KCTD16: variants seen among roughly 807,000 people sequenced by gnomAD.
KCTD16 encodes the protein BTB/POZ domain-containing protein KCTD16.
KCTD16 carries 13 observed loss-of-function variants against 33.2 expected under a neutral mutation model. The ratio of observed to expected loss-of-function variants is 0.39; its 90% CI spans 0.25 to 0.62. KCTD16 has a LOEUF of 0.62. KCTD16 is among the 20% of genes least tolerant of loss of function. The pLI is 0.50. For missense variants in KCTD16, 441 were observed against 525.1 expected, an observed-to-expected ratio of 0.84 and a Z score of 1.57; for synonymous variants, 197 against 195.3, an observed-to-expected ratio of 1.01 and a Z score of -0.07.
intron 3 of KCTD16, among the ~76,000 whole-genome samples, chr5:144,260,875 G>C (rs1409651927): frequency 6.6e-6 from 1 of 151,446 alleles, no homozygotes; most frequent in East Asian, 1.9e-4. Context: ...CTGTTATATT[G>C]GTATTATTTC....
At chr5:144,311,918 A>G (rs1257279899) in intron 3 of KCTD16, among the ~76,000 whole-genome samples, 1 of 152,178 alleles carries the variant, frequency 6.6e-6, no homozygotes, top group Non-Finnish European at 1.5e-5. Flanking sequence ...TTCTGGAGAA[A>G]TAACTTTCAA....
intron 3 of KCTD16, among the ~76,000 whole-genome samples, chr5:144,286,884 G>A (rs1026885759): frequency 5.3e-5 from 8 of 152,116 alleles, no homozygotes; most frequent in East Asian, 1.9e-4. Flanking sequence ...AAGAACAATC[G>A]TAATAATAGG....
intron 3 of KCTD16, among the ~76,000 whole-genome samples, chr5:144,412,181 A>G (rs2126954589): frequency 6.6e-6 from 1 of 152,338 alleles, no homozygotes; most frequent in East Asian, 1.9e-4. Context: ...GTGCATATCC[A>G]AAAGAAAGAG....
chr5:144,467,210 A>G (rs1754367242), intron 3 of KCTD16, among the ~76,000 whole-genome samples: 1 of 150,588 alleles, frequency 6.6e-6, no homozygotes, highest in African/African-American at 2.4e-5. Flanking sequence ...TTTTTGTCAT[A>G]TGTATATTAA....
At chr5:144,253,101 A>T (rs1013548273) in intron 3 of KCTD16, among the ~76,000 whole-genome samples, 1 of 152,040 alleles carries the variant, frequency 6.6e-6, no homozygotes, top group Non-Finnish European at 1.5e-5. Flanking sequence ...CACCAACTAC[A>T]TTTAGAATAT....
chr5:144,470,770 G>A (rs1160300132), intron 3 of KCTD16, among the ~76,000 whole-genome samples: 2 of 152,212 alleles, frequency 1.3e-5, no homozygotes, highest in Non-Finnish European at 1.5e-5. Context: ...AGCAGTTCAG[G>A]GAGGAAATAA....
At chr5:144,198,941 C>T (rs144347803) in intron 2 of KCTD16, among the ~76,000 whole-genome samples, 130 of 152,308 alleles carry the variant, frequency 8.5e-4, no homozygotes, top group Non-Finnish European at 1.7e-3. Context: ...CTTTCAAACT[C>T]TGTTCTGCCT....
chr5:144,188,210 G>A (rs2126778102), intron 2 of KCTD16, among the ~76,000 whole-genome samples: 1 of 152,286 alleles, frequency 6.6e-6, no homozygotes, highest in African/African-American at 2.4e-5. Context: ...TTCTGTTAAT[G>A]TGATCCTTCT....
chr5:144,242,114 T>C (rs1297581305), intron 3 of KCTD16, among the ~76,000 whole-genome samples: 2 of 152,128 alleles, frequency 1.3e-5, no homozygotes, highest in South Asian at 2.1e-4. Context: ...AAGGGGAAGC[T>C]CTTTTTGCAA....
At chr5:144,376,139 C>G (rs562447867) in intron 3 of KCTD16, among the ~76,000 whole-genome samples, 1 of 151,996 alleles carries the variant, frequency 6.6e-6, no homozygotes, top group Non-Finnish European at 1.5e-5. Context: ...GTCATGTCTA[C>G]CTTTTTTTCC....
At chr5:144,313,937 T>C (rs1751839090) in intron 3 of KCTD16, among the ~76,000 whole-genome samples, 1 of 152,216 alleles carries the variant, frequency 6.6e-6, no homozygotes, top group African/African-American at 2.4e-5. Flanking sequence ...TTATCATTGA[T>C]GAATATACCA....
At chr5:144,330,239 C>T (rs1002739668) in intron 3 of KCTD16, among the ~76,000 whole-genome samples, 16 of 151,782 alleles carry the variant, frequency 1.1e-4, no homozygotes, top group Admixed American at 8.5e-4. Context: ...ATGGTGAAAC[C>T]CCGTCTCTAC....
intron 3 of KCTD16, among the ~76,000 whole-genome samples, chr5:144,221,699 C>G (rs1412254255): frequency 1.3e-5 from 2 of 152,142 alleles, no homozygotes; most frequent in African/African-American, 4.8e-5. Context: ...GAAGTCTTTG[C>G]TATTGTGAAC....
At position 144,484,303 on chromosome 5, in the gene KCTD16, T is replaced by G. The variant is rs1055693267; in HGVS notation, c.*10189T>G. 7 of 151,974 alleles carry G rather than the reference T, an allele frequency of 4.6e-5. No individual in the cohort carries two copies. Among genetic ancestry groups the G allele is most frequent in the African/African-American group, 1.7e-4 (7 of 41,500 alleles). The allele number at this position is 151,974 out of a possible 1,614,324, so 9.4% of individuals were successfully genotyped here. A position where few individuals can be genotyped will look rare whatever the true frequency, so the allele number is the denominator to read the frequency against. ...GGAGCTGCACTTCAGAGAGTCCCAC[T>G]GTAATCTGTTAATAGAATCTGCTTT... On this transcript the variant is annotated 3_prime_UTR_variant, in exon 4 of 4. Transcript: ENST00000512467.
At chr5:144,199,432 CAG>C (rs1211870833) in intron 2 of KCTD16, among the ~76,000 whole-genome samples, 2 of 152,204 alleles carry the variant, frequency 1.3e-5, no homozygotes, top group African/African-American at 4.8e-5. Context: ...TGAAGGACTT[CAG>C]GGGAGGCAAA....
chr5:144,443,799 G>T (rs77702694), intron 3 of KCTD16, among the ~76,000 whole-genome samples: 13 of 151,788 alleles, frequency 8.6e-5, no homozygotes, highest in Non-Finnish European at 1.8e-4. Context: ...ATTTTTTGAG[G>T]ATCTATAGCT....
chr5:144,398,734 A>T (rs1464277810), intron 3 of KCTD16, among the ~76,000 whole-genome samples: 1 of 145,234 alleles, frequency 6.9e-6, no homozygotes, highest in Admixed American at 6.7e-5. Context: ...TCTCTCTCTT[A>T]TATAAATGTA....
chr5:144,418,944 C>A (rs1196602914), intron 3 of KCTD16, among the ~76,000 whole-genome samples: 1 of 152,062 alleles, frequency 6.6e-6, no homozygotes, highest in Admixed American at 6.6e-5. Context: ...GAACACAGAA[C>A]CTTTGACCCC....
intron 3 of KCTD16, among the ~76,000 whole-genome samples, chr5:144,221,906 C>A: frequency 6.6e-6 from 1 of 152,206 alleles, no homozygotes; most frequent in South Asian, 2.1e-4. Context: ...GTTCCTATTT[C>A]TCCACATCCT....
Sources: gnomAD v4.1 joint callset for allele counts (sites outside exome capture counted in the v4.1 genomes callset) on GRCh38, gnomAD v4.1.1 for gene constraint, MANE v1.5 for transcripts, NCBI Gene and HGNC (gene_info 2026-07-23, HGNC 2026-07-21) for gene names.